Variants in SLC25A26 observed in about 807,000 individuals in gnomAD.
SLC25A26 encodes mitochondrial S-adenosylmethionine carrier protein.
SLC25A26 carries 36 observed loss-of-function variants against 37.8 expected under a neutral mutation model. That is an observed-to-expected ratio of 0.95 (90% CI 0.73 to 1.26). The LOEUF (loss-of-function observed/expected upper bound fraction) is 1.26. Among genes scored for constraint, SLC25A26 ranks in the 50% most tolerant of loss-of-function variants. SLC25A26 has a pLI of 0.00. For missense variants in SLC25A26, 390 were observed against 331.1 expected (o/e 1.18, Z -1.38); for synonymous variants, 129 against 122.5 (o/e 1.05, Z -0.35).
intron 3 of SLC25A26, among the ~76,000 whole-genome samples, chr3:66,260,587 C>T (rs774727608): frequency 2.4e-4 from 37 of 152,244 alleles, no homozygotes; most frequent in Admixed American, 3.3e-4. Context: ...GCAATATGCC[C>T]GTGTTAGCTG....
At chr3:66,313,862 A>G (rs1004167464) in intron 5 of SLC25A26, among the ~76,000 whole-genome samples, 1 of 151,420 alleles carries the variant, frequency 6.6e-6, no homozygotes, top group Admixed American at 6.6e-5. Flanking sequence ...ATTCTTAGTT[A>G]TTTTTTTCTC....
chr3:66,230,823 A>C (rs1262301938), intron 1 of SLC25A26, among the ~76,000 whole-genome samples: 3 of 149,798 alleles, frequency 2.0e-5, no homozygotes, highest in East Asian at 2.0e-4. Context: ...AAAAAAACAA[A>C]AAAAAACCAG....
chr3:66,321,244 T>C (rs1184662406), intron 5 of SLC25A26, among the ~76,000 whole-genome samples: 1 of 152,222 alleles, frequency 6.6e-6, no homozygotes, highest in African/African-American at 2.4e-5. Context: ...ATCTGTGTTT[T>C]AACAAGCGCT....
intron 1 of SLC25A26, among the ~76,000 whole-genome samples, chr3:66,235,637 T>C (rs2072241131): frequency 6.6e-6 from 1 of 152,208 alleles, no homozygotes; most frequent in African/African-American, 2.4e-5. Context: ...CAATTCGGAT[T>C]CACTGCTTAT....
intron 3 of SLC25A26, among the ~76,000 whole-genome samples, chr3:66,243,713 G>A (rs1245050216): frequency 2.0e-5 from 3 of 152,214 alleles, no homozygotes; most frequent in Non-Finnish European, 4.4e-5. Context: ...AAATTTGCAT[G>A]TTCTTTGTAA....
At chr3:66,358,782 A>G (rs970446956) in intron 6 of SLC25A26, among the ~76,000 whole-genome samples, 2 of 152,192 alleles carry the variant, frequency 1.3e-5, no homozygotes, top group East Asian at 1.9e-4. Context: ...GTGAGCCACA[A>G]TGTTTTTGTC....
chr3:66,239,814 TTC>T (rs1256626632), intron 2 of SLC25A26, among the ~76,000 whole-genome samples: 3 of 137,440 alleles, frequency 2.2e-5, no homozygotes, highest in African/African-American at 8.1e-5. Context: ...TTTCCTTTCT[TTC>T]TTTTTTTTTT....
chr3:66,158,762 A>G (rs2070317674), intron 1 of SLC25A26, among the ~76,000 whole-genome samples: 1 of 152,156 alleles, frequency 6.6e-6, no homozygotes. Context: ...GGAAGAAGGG[A>G]GATATGAGGA....
At chr3:66,302,573 C>T (rs782742) in intron 5 of SLC25A26, among the ~76,000 whole-genome samples, 91,930 of 152,004 alleles carry the variant, frequency 0.6, 30,082 homozygotes, top group African/African-American at 0.86. Flanking sequence ...GGTTCTCCAC[C>T]ATGTGTTCTG....
At chr3:66,146,670 A>T (rs2070118915) in intron 1 of SLC25A26, among the ~76,000 whole-genome samples, 1 of 152,176 alleles carries the variant, frequency 6.6e-6, no homozygotes, top group African/African-American at 2.4e-5. Context: ...CTATAAACAG[A>T]TGGCACATTC....
chr3:66,351,716 C>T (rs1221708562), intron 6 of SLC25A26, among the ~76,000 whole-genome samples: 1 of 152,066 alleles, frequency 6.6e-6, no homozygotes, highest in African/African-American at 2.4e-5. Flanking sequence ...CTAGTTGGTC[C>T]ACTTCTCAGT....
intron 3 of SLC25A26, among the ~76,000 whole-genome samples, chr3:66,247,204 C>T (rs949088611): frequency 5.9e-5 from 9 of 151,890 alleles, no homozygotes; most frequent in Admixed American, 4.6e-4. Flanking sequence ...GCAGTGGGTA[C>T]ATAGATTTAG....
chr3:66,181,742 C>T (rs528708774), intron 1 of SLC25A26, among the ~76,000 whole-genome samples: 1 of 151,702 alleles, frequency 6.6e-6, no homozygotes, highest in East Asian at 1.9e-4. Flanking sequence ...AATTTGCAGT[C>T]CCTCTGAATT....
chr3:66,341,413 T>C (rs332364), intron 5 of SLC25A26, among the ~76,000 whole-genome samples: 56,180 of 151,928 alleles, frequency 0.37, 13,747 homozygotes, highest in East Asian at 0.7. Flanking sequence ...TGTTATTTAA[T>C]TGGCACTCTA....
At position 66,361,253 on chromosome 3, in the gene SLC25A26, G is replaced by GA. The variant is rs376080962; in HGVS notation, c.499-1606dup. 4.8e-3 allele frequency among the ~76,000 whole-genome samples: 737 copies of GA among 152,254 alleles called. 11 individuals are homozygous for GA. The highest frequency in any genetic ancestry group is 0.017 in the African/African-American group (696 of 41,548). ...CATATATAAAAATTAACTCAAAATGGATGATAGATACAAATGTAAAACCTG... is the reference window on the plus strand; with the variant it reads ...CATATATAAAAATTAACTCAAAATGGAATGATAGATACAAATGTAAAACCTG... On this transcript the variant is annotated intron_variant, in intron 6 of 9. Transcript: ENST00000354883.
At chr3:66,281,116 C>G (rs968018796) in intron 5 of SLC25A26, among the ~76,000 whole-genome samples, 18 of 152,162 alleles carry the variant, frequency 1.2e-4, no homozygotes, top group Admixed American at 6.5e-5. Flanking sequence ...GATATTTATC[C>G]TGTAAACGGT....
chr3:66,371,226 G>C (rs1435887214), intron 9 of SLC25A26: 2 of 1,525,642 alleles, frequency 1.3e-6, no homozygotes, highest in Non-Finnish European at 1.8e-6. Flanking sequence ...GGATTTTCTT[G>C]CAAGAGCAAA....
intron 5 of SLC25A26, among the ~76,000 whole-genome samples, chr3:66,288,847 T>G (rs111275473): frequency 0.067 from 10,131 of 152,272 alleles, 377 homozygotes; most frequent in African/African-American, 0.081. Flanking sequence ...TACCCAGTAA[T>G]GAGATTGCTG....
chr3:66,182,264 G>A (rs1168436346), intron 1 of SLC25A26, among the ~76,000 whole-genome samples: 7 of 152,010 alleles, frequency 4.6e-5, no homozygotes, highest in African/African-American at 7.2e-5. Flanking sequence ...GGTAGGGCGC[G>A]GTGTTTGAAA....
Sources: gnomAD v4.1 joint callset for allele counts (sites outside exome capture counted in the v4.1 genomes callset) on GRCh38, gnomAD v4.1.1 for gene constraint, MANE v1.5 for transcripts, NCBI Gene and HGNC (gene_info 2026-07-23, HGNC 2026-07-21) for gene names.